KLHL29: variants seen among roughly 807,000 people sequenced by gnomAD.
The protein encoded by KLHL29 is kelch-like protein 29.
In KLHL29, 21 loss-of-function variants were observed where a neutral mutation model predicts 80.4. The ratio of observed to expected loss-of-function variants is 0.26; its 90% CI spans 0.19 to 0.38. The LOEUF is 0.38. Ranked by LOEUF, KLHL29 falls within the 10% of genes least tolerant of loss-of-function variation. The pLI is 1.00. For synonymous variants in KLHL29, 511 were observed against 526.8 expected, an observed-to-expected ratio of 0.97 and a Z score of 0.41; for missense variants, 867 against 1,223.9, an observed-to-expected ratio of 0.71 and a Z score of 4.35.
intron 3 of KLHL29, among the ~76,000 whole-genome samples, chr2:23,601,766 A>G (rs1406669209): frequency 1.3e-5 from 2 of 152,172 alleles, no homozygotes. Flanking sequence ...CTAGCCCACC[A>G]CACTGACTGA....
At chr2:23,412,460 G>A (rs368109303) in intron 1 of KLHL29, among the ~76,000 whole-genome samples, 3 of 152,122 alleles carry the variant, frequency 2.0e-5, no homozygotes, top group African/African-American at 7.2e-5. Flanking sequence ...ATATGCAGGT[G>A]GGCTGCAGGG....
At chr2:23,581,843 A>AAAAAAG (rs1478254201) in intron 3 of KLHL29, among the ~76,000 whole-genome samples, 6 of 151,616 alleles carry the variant, frequency 4.0e-5, no homozygotes, top group African/African-American at 1.5e-4. Flanking sequence ...AAAAAAAAAA[A>AAAAAAG]AAACTTTTAT....
chr2:23,597,355 GTGTA>G (rs1668441074), intron 3 of KLHL29, among the ~76,000 whole-genome samples: 1 of 119,640 alleles, frequency 8.4e-6, no homozygotes, highest in Non-Finnish European at 1.7e-5. Flanking sequence ...GTATGTATAT[GTGTA>G]TGTATATATA....
chr2:23,638,085 T>TAAAAAAAAAAAAAAAAAAAAA (rs553356362), intron 3 of KLHL29, among the ~76,000 whole-genome samples: 1 of 111,590 alleles, frequency 9.0e-6, no homozygotes, highest in African/African-American at 3.4e-5. Context: ...ATGGCCATAG[T>TAAAAAAAAAAAAAAAAAAAAA]AAAAAAAAAA....
chr2:23,640,521 T>A (rs996827573), intron 4 of KLHL29, among the ~76,000 whole-genome samples: 8 of 152,206 alleles, frequency 5.3e-5, no homozygotes, highest in Non-Finnish European at 1.0e-4. Context: ...ATGACATGCT[T>A]TGGCTTAAGA....
intron 5 of KLHL29, among the ~76,000 whole-genome samples, chr2:23,646,547 C>T (rs527695297): frequency 1.4e-4 from 22 of 152,290 alleles, no homozygotes; most frequent in African/African-American, 3.4e-4. Flanking sequence ...GGTATCTCTT[C>T]GGACTTCATA....
intron 1 of KLHL29, among the ~76,000 whole-genome samples, chr2:23,430,845 G>A (rs1273709632): frequency 2.6e-5 from 4 of 152,162 alleles, no homozygotes; most frequent in Non-Finnish European, 5.9e-5. Context: ...TGGTAAAACC[G>A]AGGCCCAGAG....
At chr2:23,417,046 G>A (rs1297532947) in intron 1 of KLHL29, among the ~76,000 whole-genome samples, 1 of 152,016 alleles carries the variant, frequency 6.6e-6, no homozygotes, top group East Asian at 1.9e-4. Flanking sequence ...CAGAAGCCTG[G>A]GAGCCTTCCT....
At chr2:23,569,567 A>G (rs1667667636) in intron 3 of KLHL29, among the ~76,000 whole-genome samples, 1 of 152,176 alleles carries the variant, frequency 6.6e-6, no homozygotes, top group African/African-American at 2.4e-5. Context: ...ATTATGGGTT[A>G]AATAGGCTTT....
At chr2:23,532,657 G>A (rs1166819199) in intron 2 of KLHL29, 3 of 456,522 alleles carry the variant, frequency 6.6e-6, no homozygotes, top group Middle Eastern at 3.2e-4. Context: ...GGCCTGGGCG[G>A]TGGGGAGCTC....
chr2:23,564,545 G>A (rs550148881), intron 3 of KLHL29, among the ~76,000 whole-genome samples: 1 of 152,218 alleles, frequency 6.6e-6, no homozygotes, highest in Non-Finnish European at 1.5e-5. Context: ...AGCACTGGGT[G>A]GGGGGAAGGG....
intron 2 of KLHL29, among the ~76,000 whole-genome samples, chr2:23,482,987 A>AT (rs1371520034): frequency 6.6e-6 from 1 of 152,196 alleles, no homozygotes; most frequent in Non-Finnish European, 1.5e-5. Flanking sequence ...GTACATACGA[A>AT]TTCTTACATG....
At chr2:23,571,960 G>C (rs1667726664) in intron 3 of KLHL29, among the ~76,000 whole-genome samples, 1 of 152,190 alleles carries the variant, frequency 6.6e-6, no homozygotes, top group Admixed American at 6.5e-5. Flanking sequence ...ATGTCAGTTT[G>C]CTAAAAGCAG....
Position 23,644,238 on chromosome 2 carries a change from C to A in KLHL29, c.940+1388C>A, listed in dbSNP as rs1016493992. ...AAAAAAATGACTAAATTGATTTTTT[C>A]TTTGCATTGTTTTGGTTAAGCTCTG... On this transcript the variant is annotated intron_variant, in intron 5 of 13. Transcript: ENST00000486442. The A allele has an allele frequency of 2.0e-4, 30 of 151,110 alleles. No individual in the cohort carries two copies. The East Asian group carries it at 3.9e-3, about 20-fold the overall frequency. The allele number at this position is 151,110 out of a possible 1,614,324, so 9.4% of individuals were successfully genotyped here. A position where few individuals can be genotyped will look rare whatever the true frequency, so the allele number is the denominator to read the frequency against.
At chr2:23,654,903 G>A (rs564639048) in intron 5 of KLHL29, among the ~76,000 whole-genome samples, 8 of 152,260 alleles carry the variant, frequency 5.3e-5, no homozygotes, top group South Asian at 2.1e-4. Context: ...TACCCTTTCC[G>A]CCACACCACA....
chr2:23,537,417 T>TACACAC (rs5741924), intron 2 of KLHL29, among the ~76,000 whole-genome samples: 19 of 149,156 alleles, frequency 1.3e-4, no homozygotes, highest in South Asian at 8.8e-4. Flanking sequence ...GGGCAGAAAC[T>TACACAC]ACACACACAC....
intron 3 of KLHL29, among the ~76,000 whole-genome samples, chr2:23,589,819 G>C (rs1180415503): frequency 6.6e-6 from 1 of 152,232 alleles, no homozygotes; most frequent in African/African-American, 2.4e-5. Context: ...TCCCAAATTT[G>C]GGACTCAGTG....
chr2:23,678,961 T>C (rs940421473), intron 5 of KLHL29, among the ~76,000 whole-genome samples: 4 of 150,962 alleles, frequency 2.6e-5, no homozygotes, highest in African/African-American at 9.8e-5. Flanking sequence ...TTTGTGAAGA[T>C]GAAAAGGATT....
intron 2 of KLHL29, among the ~76,000 whole-genome samples, chr2:23,548,489 C>T (rs557883588): frequency 1.3e-5 from 2 of 152,350 alleles, no homozygotes; most frequent in East Asian, 1.9e-4. Context: ...AGAGTTAGAT[C>T]GTGACCACAT....
Sources: gnomAD v4.1 joint callset for allele counts (sites outside exome capture counted in the v4.1 genomes callset) on GRCh38, gnomAD v4.1.1 for gene constraint, MANE v1.5 for transcripts, NCBI Gene and HGNC (gene_info 2026-07-23, HGNC 2026-07-21) for gene names.